The following SMCHD1 variants were observed in gnomAD, a reference collection of about 807,000 sequenced individuals.
SMCHD1 encodes the protein structural maintenance of chromosomes flexible hinge domain containing 1.
SMCHD1 carries 78 observed loss-of-function variants against 254.7 expected under a neutral mutation model. The observed-to-expected ratio is 0.31, with a 90% CI of 0.26 to 0.37. The LOEUF (loss-of-function observed/expected upper bound fraction) is 0.37. Among genes scored for constraint, SMCHD1 ranks in the 10% least tolerant of loss-of-function variants. The pLI is 1.00. For synonymous variants in SMCHD1, 766 were observed against 794.9 expected, an observed-to-expected ratio of 0.96 and a Z score of 0.61; for missense variants, 1,840 against 2,408.1, an observed-to-expected ratio of 0.76 and a Z score of 4.94.
At chr18:2,738,181 TC>T in intron 25 of SMCHD1, among the ~76,000 whole-genome samples, 1 of 152,160 alleles carries the variant, frequency 6.6e-6, no homozygotes, top group Non-Finnish European at 1.5e-5. Flanking sequence ...TTTTATTTTA[TC>T]TCACTAAAAA....
At chr18:2,717,559 T>C (rs1002701562) in intron 17 of SMCHD1, among the ~76,000 whole-genome samples, 4 of 152,172 alleles carry the variant, frequency 2.6e-5, no homozygotes, top group African/African-American at 7.2e-5. Flanking sequence ...TCTCAAATTC[T>C]TGGCCTCAGC....
rs2074551452 is a variant in SMCHD1 at position 2,707,711 on chromosome 18, TA to T, written c.2146+70del. 4.7e-6 allele frequency: 7 copies of T among 1,476,020 alleles called. No individual in the cohort carries two copies. The Admixed American group carries it at 7.4e-5, about 16-fold the overall frequency. 91.4% of individuals were successfully genotyped at this position (1,476,020 alleles called of 1,614,324 possible). On this transcript the variant is annotated intron_variant, in intron 16 of 47. Transcript: ENST00000320876. The stretch of plus-strand genomic sequence containing the variant: ...TCTTTTGTCTTACATTTCCAATATG[TA>T]AAAGGTCACGAGATATTAAAATGCA...
intron 46 of SMCHD1, 95 bp downstream of exon 46, chr18:2,796,202 A>G: frequency 8.5e-7 from 1 of 1,172,830 alleles, no homozygotes; most frequent in Non-Finnish European, 1.2e-6. Flanking sequence ...AAGAATGCAA[A>G]TGATTCAGAA....
intron 17 of SMCHD1, among the ~76,000 whole-genome samples, chr18:2,717,640 G>C (rs1178474985): frequency 6.6e-6 from 1 of 152,150 alleles, no homozygotes; most frequent in East Asian, 1.9e-4. Flanking sequence ...TTGAGCTCCT[G>C]TGTTCCTTCT....
chr18:2,792,108 T>TTTA (rs2143844232), intron 45 of SMCHD1, among the ~76,000 whole-genome samples: 1 of 152,254 alleles, frequency 6.6e-6, no homozygotes, highest in East Asian at 1.9e-4. Context: ...ACAAAAAGAG[T>TTTA]TCATAGAGTT....
chr18:2,690,580 C>T lies in SMCHD1; in HGVS notation c.873+1833C>T, dbSNP rs56950769. Among the ~76,000 whole-genome samples the T allele has an allele frequency of 5.4e-3, 828 of 151,934 alleles. 4 individuals carry two copies. Among genetic ancestry groups the T allele is most frequent in the African/African-American group, 0.019 (789 of 41,486 alleles). On this transcript the variant is annotated intron_variant, in intron 7 of 47. Transcript: ENST00000320876. ...TCTGCCTCCCTGGTTGAAGCAATTC[C>T]CCTGCTTCAGCCTCCTGAGTAGCTG...
chr18:2,688,783 T>C lies in SMCHD1; in HGVS notation c.873+36T>C, dbSNP rs1027947441. 13 of 1,190,186 alleles carry C rather than the reference T, an allele frequency of 1.1e-5. No homozygotes were observed. The Admixed American group carries it at 2.4e-4, about 22-fold the overall frequency. 73.7% of individuals were successfully genotyped at this position (1,190,186 alleles called of 1,614,324 possible). ...TTTTAACTCATAATTATAAATTTAC[T>C]CCTTTGGATAGACGGTGGGACAGAA... On this transcript the variant is annotated intron_variant, in intron 7 of 47. Transcript: ENST00000320876.
chr18:2,708,526 G>A lies in SMCHD1; in HGVS notation c.2260+606G>A, dbSNP rs537132731. ...AGCCTGGGTGGTAAAGTAAGACCCT[G>A]TCTCTAAAAAATAAATAAATCACAC... On this transcript the variant is annotated intron_variant, in intron 17 of 47. Transcript: ENST00000320876. Among the ~76,000 whole-genome samples, 8 of 151,748 alleles carry A rather than the reference G, an allele frequency of 5.3e-5. No homozygotes were observed. In the South Asian group the frequency reaches 1.7e-3, roughly 32 times the overall value.
intron 5 of SMCHD1, among the ~76,000 whole-genome samples, chr18:2,675,424 C>G (rs992681112): frequency 2.3e-4 from 35 of 152,012 alleles, no homozygotes; most frequent in African/African-American, 8.5e-4. Context: ...ACCACCATGC[C>G]TGGCTATTTT....
chr18:2,728,253 A>G, intron 22 of SMCHD1: 1 of 501,256 alleles, frequency 2.0e-6, no homozygotes, highest in East Asian at 3.6e-5. Context: ...CAAGCATTTT[A>G]TACAATTGAG....
intron 17 of SMCHD1, among the ~76,000 whole-genome samples, chr18:2,714,065 T>C (rs2143327511): frequency 6.6e-6 from 1 of 152,346 alleles, no homozygotes; most frequent in South Asian, 2.1e-4. Flanking sequence ...GTTTTCTATC[T>C]CCATGATCCA....
At chr18:2,783,542 AT>A (rs2076191836) in intron 44 of SMCHD1, among the ~76,000 whole-genome samples, 1 of 150,510 alleles carries the variant, frequency 6.6e-6, no homozygotes, top group South Asian at 2.1e-4. Flanking sequence ...TAAATCCAGT[AT>A]TTTTCCTTTA....
chr18:2,780,081 A>C lies in SMCHD1; in HGVS notation c.5547+1842A>C, dbSNP rs951795450. On this transcript the variant is annotated intron_variant, in intron 44 of 47. Coordinates refer to ENST00000320876, the MANE Select transcript of SMCHD1 (RefSeq NM_015295.3). ...TGGTGAAATCCCGTCTCTACTAAAA[A>C]TACAAAAATTAGCCAGGCGTGGTGG... Among the ~76,000 whole-genome samples the C allele has an allele frequency of 3.3e-5, 5 of 151,914 alleles. No individual in the cohort carries two copies. The South Asian group carries it at 8.3e-4, about 25-fold the overall frequency.
chr18:2,668,935 C>T (rs189023885), intron 3 of SMCHD1, among the ~76,000 whole-genome samples: 22 of 151,904 alleles, frequency 1.4e-4, no homozygotes, highest in Admixed American at 5.9e-4. Context: ...TTTGCAGTAA[C>T]GTGACCATAG....
chr18:2,789,735 T>TA (rs1407168097), intron 45 of SMCHD1, among the ~76,000 whole-genome samples: 1 of 152,232 alleles, frequency 6.6e-6, no homozygotes, highest in Non-Finnish European at 1.5e-5. Flanking sequence ...ATGATGGGTT[T>TA]ATTGGGACAT....
At position 2,803,557 on chromosome 18, in the gene SMCHD1, A is replaced by G. The variant is rs2076400779; in HGVS notation, c.*1005A>G. 1 of 152,164 alleles carries G rather than the reference A, an allele frequency of 6.6e-6. No individual in the cohort carries two copies. The highest frequency in any genetic ancestry group is 6.5e-5 in the Admixed American group (1 of 15,276). 9.4% of individuals were successfully genotyped at this position (152,164 alleles called of 1,614,324 possible). On this transcript the variant is annotated 3_prime_UTR_variant, in exon 48 of 48. Coordinates refer to ENST00000320876, the MANE Select transcript of SMCHD1 (RefSeq NM_015295.3). Reference sequence around the variant, plus strand: ...TGTCCCAGGAAATGTATGTGTTTTTAAACCCTTTCTAAATATGCAGGCCAT... The same window carrying G: ...TGTCCCAGGAAATGTATGTGTTTTTGAACCCTTTCTAAATATGCAGGCCAT...
At chr18:2,780,275 T>G (rs1405235433) in intron 44 of SMCHD1, among the ~76,000 whole-genome samples, 1 of 124,960 alleles carries the variant, frequency 8.0e-6, no homozygotes, top group African/African-American at 3.0e-5. Context: ...AAGGCAATAA[T>G]AAATTCATCT....
At chr18:2,737,521 G>A (rs895564360) in intron 25 of SMCHD1, among the ~76,000 whole-genome samples, 3 of 152,132 alleles carry the variant, frequency 2.0e-5, no homozygotes, top group African/African-American at 7.2e-5. Flanking sequence ...AGGAGTTTAA[G>A]ACCAGCCTGG....
intron 17 of SMCHD1, among the ~76,000 whole-genome samples, chr18:2,708,609 C>T (rs1568197174): frequency 1.9e-5 from 1 of 52,014 alleles, no homozygotes. Context: ...CCTTTCATGA[C>T]CTTCCTGCTT....
Sources: allele counts gnomAD v4.1 joint callset (sites outside exome capture counted in the v4.1 genomes callset), GRCh38; gene constraint gnomAD v4.1.1; transcripts MANE v1.5; gene names NCBI Gene and HGNC (gene_info 2026-07-23, HGNC 2026-07-21).